ANO3: variants seen among roughly 807,000 people sequenced by gnomAD.
The protein encoded by ANO3 is anoctamin-3.
A neutral mutation model predicts 144.8 loss-of-function variants in ANO3; 99 were observed. The ratio of observed to expected loss-of-function variants is 0.68; its 90% CI spans 0.58 to 0.81. The LOEUF is 0.81. Among genes scored for constraint, ANO3 ranks in the 30% least tolerant of loss-of-function variants. ANO3 has a pLI of 0.00. For synonymous variants in ANO3, 414 were observed against 392.6 expected (o/e 1.05, Z -0.64); for missense variants, 905 against 1,202.2 (o/e 0.75, Z 3.66).
chr11:26,647,733 G>A lies in ANO3; in HGVS notation c.2453G>A (p.Gly818Glu). The A allele has an allele frequency of 1.2e-6, 2 of 1,607,376 alleles. No individual in the cohort carries two copies. Among genetic ancestry groups the A allele is most frequent in the South Asian group, 1.1e-5 (1 of 89,716 alleles). ...GGTATCTGGCTTGGAATTCTCGAAGGAATCGGTATATTGGCTGTGATCACC... is the reference window on the plus strand; with the variant it reads ...GGTATCTGGCTTGGAATTCTCGAAGAAATCGGTATATTGGCTGTGATCACC... The part of the protein sequence containing the change: ...DIGIWLGILE[G>E]IGILAVITNA... Residue 818 changes from glycine to glutamate, a missense_variant, in exon 24 of 27, where the codon GGA (glycine) becomes GAA (glutamate). Physicochemically the swap from Gly to Glu is moderately conservative, Grantham distance 98. Coordinates refer to ENST00000256737, the MANE Select transcript of ANO3 (RefSeq NM_031418.4).
At chr11:26,530,247 A>T (rs1849328889) in intron 7 of ANO3, among the ~76,000 whole-genome samples, 1 of 152,200 alleles carries the variant, frequency 6.6e-6, no homozygotes, top group Non-Finnish European at 1.5e-5. Context: ...GAAGTTAAAT[A>T]ACTTGTACAA....
chr11:26,451,962 T>A (rs988395919), intron 3 of ANO3, among the ~76,000 whole-genome samples: 3 of 152,258 alleles, frequency 2.0e-5, no homozygotes, highest in Middle Eastern at 3.4e-3. Context: ...CCGCTGCTGA[T>A]ACCCAGGCAA....
intron 1 of ANO3, among the ~76,000 whole-genome samples, chr11:26,260,939 C>T (rs556562809): frequency 2.0e-4 from 30 of 152,126 alleles, no homozygotes; most frequent in Admixed American, 1.6e-3. Flanking sequence ...CTGAGGCACA[C>T]GAACCCAGAA....
chr11:26,436,838 A>G (rs1310248012), intron 1 of ANO3, among the ~76,000 whole-genome samples: 1 of 152,114 alleles, frequency 6.6e-6, no homozygotes, highest in Admixed American at 6.5e-5. Context: ...TGCTGACTGG[A>G]AAACACTGGC....
chr11:26,212,542 G>A (rs917957921), intron 1 of ANO3, among the ~76,000 whole-genome samples: 8 of 151,930 alleles, frequency 5.3e-5, no homozygotes, highest in African/African-American at 1.9e-4. Context: ...AGAATAAATG[G>A]ATAAATTTCT....
At chr11:26,212,217 T>C (rs1564919044) in intron 1 of ANO3, among the ~76,000 whole-genome samples, 1 of 151,336 alleles carries the variant, frequency 6.6e-6, no homozygotes, top group Admixed American at 6.6e-5. Context: ...AAGTATATAT[T>C]AAAAAAAGAA....
intron 1 of ANO3, among the ~76,000 whole-genome samples, chr11:26,346,764 C>T (rs997985613): frequency 8.5e-5 from 13 of 152,098 alleles, no homozygotes; most frequent in Admixed American, 2.6e-4. Context: ...GAGGAAGATC[C>T]GCTTACATTT....
At chr11:26,333,783 A>C (rs563041883) in intron 1 of ANO3, among the ~76,000 whole-genome samples, 1 of 152,340 alleles carries the variant, frequency 6.6e-6, no homozygotes, top group Non-Finnish European at 1.5e-5. Flanking sequence ...AGGGGTAGAC[A>C]AAAATTTCAC....
intron 14 of ANO3, chr11:26,571,977 AAG>A (rs3830461): frequency 0.12 from 75,957 of 616,046 alleles, 5,561 homozygotes; most frequent in Admixed American, 0.22. Flanking sequence ...ATAATCAAGG[AAG>A]AGAGAGAGTA....
At chr11:26,653,441 T>C (rs1280623357) in intron 24 of ANO3, among the ~76,000 whole-genome samples, 1 of 152,024 alleles carries the variant, frequency 6.6e-6, no homozygotes, top group Non-Finnish European at 1.5e-5. Context: ...TGCCACCACC[T>C]AGCTCAAGAC....
intron 1 of ANO3, among the ~76,000 whole-genome samples, chr11:26,248,485 T>C (rs1852850490): frequency 6.6e-6 from 1 of 152,240 alleles, no homozygotes; most frequent in Non-Finnish European, 1.5e-5. Context: ...TTCTGCTTAC[T>C]TGAATGAATG....
intron 1 of ANO3, among the ~76,000 whole-genome samples, chr11:26,235,817 T>C (rs1852509264): frequency 6.6e-6 from 1 of 152,106 alleles, no homozygotes; most frequent in Admixed American, 6.6e-5. Flanking sequence ...ATCATTTGTC[T>C]ACAAATGTGA....
Position 26,642,044 on chromosome 11 carries a change from T to C in ANO3, c.2275+15T>C. 6.2e-7 allele frequency: 1 copy of C among 1,606,476 alleles called. No individual in the cohort carries two copies. The highest frequency in any genetic ancestry group is 2.2e-5 in the East Asian group (1 of 44,548). On this transcript the variant is annotated intron_variant, in intron 22 of 26. Coordinates refer to ENST00000256737, the MANE Select transcript of ANO3 (RefSeq NM_031418.4). ...CTTAGAAATGGGTAAGGAAAAAAAA[T>C]CTGCAGGACTATTTGGCCTTCTTGA...
intron 4 of ANO3, among the ~76,000 whole-genome samples, chr11:26,466,644 TGA>T (rs1485356772): frequency 2.0e-5 from 3 of 151,812 alleles, no homozygotes; most frequent in Non-Finnish European, 4.4e-5. Context: ...CAGAGAGAGA[TGA>T]GAGAATCCAA....
intron 1 of ANO3, among the ~76,000 whole-genome samples, chr11:26,245,015 G>A (rs1228403727): frequency 2.8e-5 from 4 of 140,608 alleles, no homozygotes; most frequent in African/African-American, 1.1e-4. Context: ...GTGTGTGTGT[G>A]TGTGTGCATG....
intron 12 of ANO3, among the ~76,000 whole-genome samples, chr11:26,548,140 G>T (rs1849836531): frequency 6.6e-6 from 1 of 151,444 alleles, no homozygotes; most frequent in East Asian, 2.0e-4. Context: ...ATTACTCTCT[G>T]GAGGAACAAA....
chr11:26,633,085 T>C (rs1414741396), intron 18 of ANO3, among the ~76,000 whole-genome samples: 2 of 152,164 alleles, frequency 1.3e-5, no homozygotes, highest in African/African-American at 2.4e-5. Flanking sequence ...TTCCATGTGA[T>C]TGGGCTAGTG....
At chr11:26,492,183 G>T (rs183501248) in intron 4 of ANO3, among the ~76,000 whole-genome samples, 30 of 152,326 alleles carry the variant, frequency 2.0e-4, no homozygotes, top group Non-Finnish European at 3.8e-4. Context: ...GCATTAGGAT[G>T]AAGGAGACTA....
chr11:26,538,693 G>A (rs1310041444), intron 10 of ANO3, among the ~76,000 whole-genome samples: 2 of 152,100 alleles, frequency 1.3e-5, no homozygotes, highest in Admixed American at 1.3e-4. Flanking sequence ...TGAAATTTGG[G>A]ACTTATTATA....
Sources: allele counts gnomAD v4.1 joint callset (sites outside exome capture counted in the v4.1 genomes callset), GRCh38; gene constraint gnomAD v4.1.1; transcripts MANE v1.5; gene names NCBI Gene and HGNC (gene_info 2026-07-23, HGNC 2026-07-21).